ACACB: variants seen among roughly 807,000 people sequenced by gnomAD.
ACACB encodes acetyl-CoA carboxylase 2.
In ACACB, 209 loss-of-function variants were observed where a neutral mutation model predicts 278.8. The observed-to-expected ratio is 0.75, with a 90% CI of 0.67 to 0.84. The LOEUF (loss-of-function observed/expected upper bound fraction) is 0.84. Ranked by LOEUF, ACACB falls within the 40% of genes least tolerant of loss-of-function variation. ACACB has a pLI of 0.00. For synonymous variants in ACACB, 1,174 were observed against 1,285.6 expected, an observed-to-expected ratio of 0.91 and a Z score of 1.86; for missense variants, 2,850 against 3,269.0, an observed-to-expected ratio of 0.87 and a Z score of 3.13.
At chr12:109,148,783 G>A (rs1041816112) in intron 2 of ACACB, among the ~76,000 whole-genome samples, 1 of 152,078 alleles carries the variant, frequency 6.6e-6, no homozygotes, top group Non-Finnish European at 1.5e-5. Context: ...TAGTAAATGT[G>A]CCTAATAAAT....
intron 1 of ACACB, among the ~76,000 whole-genome samples, chr12:109,130,542 T>C (rs1210826392): frequency 1.3e-5 from 2 of 152,126 alleles, no homozygotes; most frequent in Non-Finnish European, 2.9e-5. Flanking sequence ...CTGGCCACCA[T>C]TTGCTCATCT....
intron 42 of ACACB, among the ~76,000 whole-genome samples, 170 bp from the exon 43 acceptor site, chr12:109,252,845 C>T (rs903846758): frequency 1.3e-5 from 2 of 152,154 alleles, no homozygotes; most frequent in African/African-American, 4.8e-5. Flanking sequence ...ACTAATTCCT[C>T]GAAGATTCTG....
intron 11 of ACACB, among the ~76,000 whole-genome samples, chr12:109,182,243 A>T (rs4766445): frequency 0.73 from 111,683 of 152,076 alleles, 42,283 homozygotes; most frequent in Middle Eastern, 0.88. Flanking sequence ...TGATGATCAG[A>T]GATGTTGGGT....
intron 40 of ACACB, among the ~76,000 whole-genome samples, chr12:109,248,121 T>A (rs1380756689): frequency 2.0e-5 from 3 of 152,200 alleles, no homozygotes; most frequent in South Asian, 2.1e-4. Context: ...CTCAGTGGGA[T>A]TAACTGACTC....
Position 109,158,638 on chromosome 12 carries a change from T to C in ACACB, c.654-8223T>C, listed in dbSNP as rs116430702. On this transcript the variant is annotated intron_variant, in intron 2 of 52. Coordinates refer to ENST00000338432, the MANE Select transcript of ACACB (RefSeq NM_001093.4). ...CTGCAGTGAACTATTTTTGCACCACTGCACTGTAGTCCTGGCAACAGAGGG... is the reference window on the plus strand; with the variant it reads ...CTGCAGTGAACTATTTTTGCACCACCGCACTGTAGTCCTGGCAACAGAGGG... 7.6e-3 allele frequency among the ~76,000 whole-genome samples: 1,162 copies of C among 152,244 alleles called. 17 individuals are homozygous for C. Among genetic ancestry groups the C allele is most frequent in the African/African-American group, 0.027 (1,107 of 41,550 alleles).
At chr12:109,221,134 C>G (rs564616116) in intron 24 of ACACB, among the ~76,000 whole-genome samples, 25 of 152,280 alleles carry the variant, frequency 1.6e-4, no homozygotes, top group Non-Finnish European at 1.3e-4. Context: ...ATTTAGAACA[C>G]TTTCCTACCA....
At chr12:109,265,646 TC>T in intron 52 of ACACB, 121 bp downstream of exon 52, 2 of 1,269,116 alleles carry the variant, frequency 1.6e-6, no homozygotes, top group Non-Finnish European at 2.2e-6. Context: ...TCTGGGGTTG[TC>T]CCCGCCCCCT....
intron 6 of ACACB, 36 bp from the exon 7 acceptor site, chr12:109,174,096 C>T (rs7300608): frequency 0.03 from 47,697 of 1,568,380 alleles, 1,970 homozygotes; most frequent in African/African-American, 0.2. Flanking sequence ...TGTGACTGAC[C>T]GGATTCTGCT....
chr12:109,135,232 T>C (rs2042937161), intron 1 of ACACB, among the ~76,000 whole-genome samples: 1 of 152,208 alleles, frequency 6.6e-6, no homozygotes, highest in South Asian at 2.1e-4. Context: ...TGTGAAGTGG[T>C]ATCTCACTGT....
At chr12:109,228,027 C>G (rs1474552044) in intron 28 of ACACB, among the ~76,000 whole-genome samples, 1 of 143,698 alleles carries the variant, frequency 7.0e-6, no homozygotes, top group Non-Finnish European at 1.5e-5. Flanking sequence ...AAGCGAGACT[C>G]CGTCTCAAAA....
At chr12:109,206,897 A>T in intron 20 of ACACB, 41 bp downstream of exon 20, 1 of 1,611,296 alleles carries the variant, frequency 6.2e-7, no homozygotes, top group Non-Finnish European at 8.5e-7. Flanking sequence ...ACCAGTGCGG[A>T]GGGTCAGAAG....
chr12:109,197,701 T>C (rs1403883216), intron 17 of ACACB, among the ~76,000 whole-genome samples: 5 of 151,920 alleles, frequency 3.3e-5, no homozygotes, highest in African/African-American at 1.2e-4. Flanking sequence ...GATAGTGAGA[T>C]AGGCCCCAAA....
At chr12:109,140,093 C>T (rs1290722021) in intron 2 of ACACB, 35 bp downstream of exon 2, 1 of 1,541,570 alleles carries the variant, frequency 6.5e-7, no homozygotes, top group Non-Finnish European at 8.7e-7. Flanking sequence ...CTGAGGAGTG[C>T]AGAGTTCAGG....
chr12:109,171,981 A>G (rs1054224764), intron 5 of ACACB, 67 bp downstream of exon 5: 1 of 1,336,062 alleles, frequency 7.5e-7, no homozygotes, highest in African/African-American at 1.4e-5. Context: ...TTCTAGTTCA[A>G]TTCCACAGTT....
At chr12:109,254,394 C>A in intron 44 of ACACB, 60 bp downstream of exon 44, 1 of 1,504,070 alleles carries the variant, frequency 6.6e-7, no homozygotes, top group Non-Finnish European at 8.9e-7. Flanking sequence ...GGGCTTGAGA[C>A]AAAGGAGCAC....
chr12:109,266,968 G>C lies in ACACB; in HGVS notation c.*606G>C, dbSNP rs1271163295. ...CATGCAGGCTGGAGTGCAGTGGCAT[G>C]ATCTCACTGCAACCTCCATCTCCTG... On this transcript the variant is annotated 3_prime_UTR_variant, in exon 53 of 53. Coordinates refer to ENST00000338432, the MANE Select transcript of ACACB (RefSeq NM_001093.4). 2 of 144,718 alleles carry C rather than the reference G, an allele frequency of 1.4e-5. No individual in the cohort carries two copies. Among genetic ancestry groups the C allele is most frequent in the East Asian group, 2.0e-4 (1 of 4,968 alleles). The allele number at this position is 144,718 out of a possible 1,614,324, so 9.0% of individuals were successfully genotyped here.
In ACACB at chr12:109,227,378, T is replaced by C. The variant is rs1216543819; in HGVS notation, c.3890T>C (p.Val1297Ala). 2 of 1,611,402 alleles carry C rather than the reference T, an allele frequency of 1.2e-6. No individual in the cohort carries two copies. Among genetic ancestry groups the C allele is most frequent in the African/African-American group, 2.7e-5 (2 of 74,904 alleles). ...VVCMASLEVYVRRGYIAYELN... is the reference protein window; with the variant it reads ...VVCMASLEVYARRGYIAYELN... ...GTGTTTCTGCCTTGTCAGGTTTACG[T>C]GCGGAGGGGCTACATCGCCTATGAG... The change falls in exon 28 of 53, where the codon GTG becomes GCG. Residue 1297 changes from valine (V) to alanine (A), a missense_variant. Val to Ala is a moderately conservative substitution (Grantham distance 64, BLOSUM62 0). Coordinates refer to ENST00000338432, the MANE Select transcript of ACACB (RefSeq NM_001093.4).
chr12:109,202,857 T>C (rs942485473), intron 19 of ACACB, among the ~76,000 whole-genome samples: 1 of 152,256 alleles, frequency 6.6e-6, no homozygotes, highest in Non-Finnish European at 1.5e-5. Context: ...TTAAAAATTG[T>C]GGTTAAATAC....
intron 47 of ACACB, 142 bp from the exon 48 acceptor site, chr12:109,260,338 C>A: frequency 8.6e-7 from 1 of 1,159,160 alleles, no homozygotes; most frequent in Non-Finnish European, 1.3e-6. Context: ...AGAGAGTGAT[C>A]AGTACTCTCA....
Sources: allele counts gnomAD v4.1 joint callset (sites outside exome capture counted in the v4.1 genomes callset), GRCh38; gene constraint gnomAD v4.1.1; transcripts MANE v1.5; gene names NCBI Gene and HGNC (gene_info 2026-07-23, HGNC 2026-07-21).